MAPK8IP3: variants seen among roughly 807,000 people sequenced by gnomAD.
MAPK8IP3 encodes C-Jun-amino-terminal kinase-interacting protein 3.
A neutral mutation model predicts 157.8 loss-of-function variants in MAPK8IP3; 49 were observed. The observed-to-expected ratio is 0.31, with a 90% CI of 0.25 to 0.39. MAPK8IP3 has a LOEUF of 0.39. MAPK8IP3 is among the 10% of genes least tolerant of loss of function. The pLI, the probability that MAPK8IP3 is intolerant of heterozygous loss-of-function variation, is 1.00. For synonymous variants in MAPK8IP3, 897 were observed against 777.7 expected, an observed-to-expected ratio of 1.15 and a Z score of -2.55; for missense variants, 1,478 against 1,889.4, an observed-to-expected ratio of 0.78 and a Z score of 4.04.
intron 11 of MAPK8IP3, 161 bp downstream of exon 11, chr16:1,760,176 G>A (rs2041853408): frequency 2.1e-6 from 2 of 970,442 alleles, no homozygotes; most frequent in Admixed American, 2.5e-5. Flanking sequence ...ACTCTGCCTG[G>A]TTTCTTTACG....
chr16:1,762,646 C>T lies in MAPK8IP3; in HGVS notation c.1671-29C>T, dbSNP rs746881339. On this transcript the variant is annotated intron_variant, in intron 14 of 31. Coordinates refer to ENST00000610761, the MANE Select transcript of MAPK8IP3 (RefSeq NM_001318852.2). ...GGTAAGGGAGGCGTGAGGGCACTAGCAGGTTGCTCCCTGTGCCCTCCCCTG... is the reference window on the plus strand; with the variant it reads ...GGTAAGGGAGGCGTGAGGGCACTAGTAGGTTGCTCCCTGTGCCCTCCCCTG... 12 of 1,541,490 alleles carry T rather than the reference C, an allele frequency of 7.8e-6. No individual in the cohort carries two copies. In the South Asian group the frequency reaches 8.8e-5, roughly 11 times the overall value.
rs1489733273 is a variant in MAPK8IP3 at position 1,768,122 on chromosome 16, C to T, written c.3562+15C>T. The T allele has an allele frequency of 2.5e-6, 4 of 1,612,094 alleles. No homozygotes were observed. The highest frequency in any genetic ancestry group is 3.3e-5 in the Admixed American group (2 of 60,016). ...GGGGCTCCGAGGTAAGCCCAGCCAC[C>T]TCGTGTCCCCTCACGGGAGCCTCTC... On this transcript the variant is annotated intron_variant, in intron 29 of 31. Transcript: ENST00000610761.
chr16:1,748,022 G>A (rs1162598531), intron 6 of MAPK8IP3, among the ~76,000 whole-genome samples: 2 of 152,214 alleles, frequency 1.3e-5, no homozygotes, highest in East Asian at 1.9e-4. Context: ...CATGCAGAGA[G>A]GCTGCTGCAA....
In MAPK8IP3 at chr16:1,768,889, C is replaced by T. The variant is rs769723016; in HGVS notation, c.*65C>T. On this transcript the variant is annotated 3_prime_UTR_variant, in exon 32 of 32. Coordinates refer to ENST00000610761, the MANE Select transcript of MAPK8IP3 (RefSeq NM_001318852.2). Reference sequence around the variant, plus strand: ...CCGACCACCTGACCCCCGCCCGGCCCGCGGGGTAGCCAGCCAGGCGCCGCC... The same window carrying T: ...CCGACCACCTGACCCCCGCCCGGCCTGCGGGGTAGCCAGCCAGGCGCCGCC... The T allele has an allele frequency of 1.4e-5, 22 of 1,575,436 alleles. No homozygotes were observed. The highest frequency in any genetic ancestry group is 6.7e-5 in the South Asian group (6 of 89,144).
intron 26 of MAPK8IP3, 55 bp downstream of exon 26, chr16:1,767,352 T>G (rs1364570729): frequency 2.5e-6 from 4 of 1,603,364 alleles, no homozygotes; most frequent in East Asian, 4.5e-5. Flanking sequence ...GGCCAGCAGC[T>G]CTCCCGCATC....
rs1450982298 is a variant in MAPK8IP3, at chr16:1,768,539, G to A, written c.3805G>A (p.Ala1269Thr). ...LDSPAEGPGP[A>T]APASEVEGQK... ...CAGCCCAGCCGAGGGCCCTGGGCCA[G>A]CTGCCCCTGCCTCGGAGGTCGAGGG... Residue 1269 changes from alanine (A) to threonine (T), a missense_variant, in exon 31 of 32, where the codon GCT becomes ACT. Ala to Thr is a moderately conservative substitution (Grantham distance 58). Around this residue, in one of 11 missense-constraint regions of MAPK8IP3, gnomAD observed 133 missense variants for 133.4 expected, o/e 1.00. Coordinates refer to ENST00000610761, the MANE Select transcript of MAPK8IP3 (RefSeq NM_001318852.2). 6.4e-7 allele frequency: 1 copy of A among 1,562,646 alleles called. No individual in the cohort carries two copies. The highest frequency in any genetic ancestry group is 1.4e-5 in the African/African-American group (1 of 73,780).
In MAPK8IP3 at chr16:1,767,236, G is replaced by T. The variant is rs377112816; in HGVS notation, c.3176G>T (p.Arg1059Leu). The T allele has an allele frequency of 1.9e-6, 3 of 1,613,500 alleles. No homozygotes were observed. The highest frequency in any genetic ancestry group is 3.3e-5 in the Admixed American group (2 of 60,024). Reference protein sequence around the residue: ...SIRCMAVVYDRVWCGYKNKVH... With the variant: ...SIRCMAVVYDLVWCGYKNKVH... Reference sequence around the variant, plus strand: ...CGCTGCATGGCTGTTGTGTACGACCGCGTGTGGTGTGGCTACAAGAACAAG... The same window carrying T: ...CGCTGCATGGCTGTTGTGTACGACCTCGTGTGGTGTGGCTACAAGAACAAG... The change falls in exon 26 of 32, where the codon CGC becomes CTC. Residue 1059 changes from arginine (R) to leucine (L), a missense_variant. Arg to Leu is a moderately radical substitution (Grantham distance 102). This residue lies in a region of MAPK8IP3 where 669 missense variants were observed against 759.8 expected (regional missense o/e 0.88). Transcript: ENST00000610761.
At chr16:1,746,841 G>A in intron 5 of MAPK8IP3, 188 bp from the exon 6 acceptor site, 1 of 656,260 alleles carries the variant, frequency 1.5e-6, no homozygotes, top group Non-Finnish European at 2.5e-6. Context: ...CGGATAAGCA[G>A]AGCCACTCGG....
At position 1,706,706 on chromosome 16, in the gene MAPK8IP3, C is replaced by A; in HGVS notation, c.318+49C>A. 6.7e-7 allele frequency: 1 copy of A among 1,486,178 alleles called. No individual in the cohort carries two copies. Among genetic ancestry groups the A allele is most frequent in the Admixed American group, 2.1e-5 (1 of 48,012 alleles). The allele number at this position is 1,486,178 out of a possible 1,614,324, so 92.1% of individuals were successfully genotyped here. ...CGCATCCCCGTCCCGGACCCCCAGC[C>A]AGCCCCGGGCCCCGGACCCAACACC... On this transcript the variant is annotated intron_variant, in intron 1 of 31. Transcript: ENST00000610761. This position sits in a 1 kb window ranked among gnomAD's most constrained non-coding sequence, Gnocchi z 5.1.
In MAPK8IP3 at chr16:1,767,719, C is replaced by T. The variant is rs369935975; in HGVS notation, c.3393C>T (p.Tyr1131=). 58 of 1,612,602 alleles carry T rather than the reference C, an allele frequency of 3.6e-5. No homozygotes were observed. The highest frequency in any genetic ancestry group is 1.1e-4 in the African/African-American group (8 of 74,926). Residue 1131 remains tyrosine, a synonymous_variant, in exon 27 of 32, where the codon TAC becomes TAT. Transcript: ENST00000610761. Reference sequence around the variant, plus strand: ...TACAGGACGTGGACATTGAGCCCTACGTCAGCAAGATGCTAGGTGAGGGGC... The same window carrying T: ...TACAGGACGTGGACATTGAGCCCTATGTCAGCAAGATGCTAGGTGAGGGGC... The part of the protein sequence containing the change: ...QHLQDVDIEP[Y]VSKMLGTGKL...
At chr16:1,764,977 C>A in intron 19 of MAPK8IP3, 36 bp from the exon 20 acceptor site, 1 of 1,579,558 alleles carries the variant, frequency 6.3e-7, no homozygotes, top group Non-Finnish European at 8.7e-7. Context: ...TAGCCTCAAG[C>A]TCGGGCTCTG....
In MAPK8IP3 at chr16:1,717,344, G is replaced by A. The variant is rs139980712; in HGVS notation, c.319-7213G>A. On this transcript the variant is annotated intron_variant, in intron 1 of 31. Coordinates refer to ENST00000610761, the MANE Select transcript of MAPK8IP3 (RefSeq NM_001318852.2). Reference sequence around the variant, plus strand: ...AGCCCTTTGGTCGTGGGAGGGATGGGGAAGTACATCTTAAAAACATGTCTA... The same window carrying A: ...AGCCCTTTGGTCGTGGGAGGGATGGAGAAGTACATCTTAAAAACATGTCTA... Among the ~76,000 whole-genome samples the A allele has an allele frequency of 8.5e-5, 13 of 152,294 alleles. No individual in the cohort carries two copies. In the East Asian group the frequency reaches 2.5e-3, roughly 29 times the overall value.
In MAPK8IP3 at chr16:1,764,134, A is replaced by C; in HGVS notation, c.2045A>C (p.Gln682Pro). ...KYKQLSPNGGQEDTRMKNVPV... is the reference protein window; with the variant it reads ...KYKQLSPNGGPEDTRMKNVPV... The stretch of plus-strand genomic sequence containing the variant: ...CTGCAGCTGAGTCCCAACGGGGGCC[A>C]GGAGGACACGCGGATGAAGAACGTG... The change falls in exon 18 of 32, where the codon CAG becomes CCG. Residue 682 changes from glutamine to proline, a missense_variant. Transcript: ENST00000610761. 1 of 1,610,704 alleles carries C rather than the reference A, an allele frequency of 6.2e-7. No individual in the cohort carries two copies. Among genetic ancestry groups the C allele is most frequent in the Non-Finnish European group, 8.5e-7 (1 of 1,179,082 alleles).
In MAPK8IP3 at chr16:1,768,911, C is replaced by A; in HGVS notation, c.*87C>A. 1 of 1,487,260 alleles carries A rather than the reference C, an allele frequency of 6.7e-7. No homozygotes were observed. The highest frequency in any genetic ancestry group is 1.2e-5 in the South Asian group (1 of 81,940). 92.1% of individuals were successfully genotyped at this position (1,487,260 alleles called of 1,614,324 possible). ...GCCCGCGGGGTAGCCAGCCAGGCGCCGCCGCCCCTCTTCTAACCTCTCAAC... is the reference window on the plus strand; with the variant it reads ...GCCCGCGGGGTAGCCAGCCAGGCGCAGCCGCCCCTCTTCTAACCTCTCAAC... On this transcript the variant is annotated 3_prime_UTR_variant, in exon 32 of 32. Transcript: ENST00000610761.
chr16:1,763,139 C>G, intron 16 of MAPK8IP3, 133 bp downstream of exon 16: 1 of 1,172,926 alleles, frequency 8.5e-7, no homozygotes, highest in Non-Finnish European at 1.2e-6. Context: ...TGCCAGGGGC[C>G]GTGACCTCTC....
chr16:1,712,186 C>T (rs923701739), intron 1 of MAPK8IP3, among the ~76,000 whole-genome samples: 5 of 150,974 alleles, frequency 3.3e-5, no homozygotes, highest in African/African-American at 7.3e-5. Flanking sequence ...CTCAGCCTCC[C>T]GAGTAGCTGA....
At position 1,767,009 on chromosome 16, in the gene MAPK8IP3, G is replaced by C. The variant is rs758150509; in HGVS notation, c.3088+38G>C. The C allele has an allele frequency of 1.0e-5, 16 of 1,568,554 alleles. No homozygotes were observed. In the East Asian group the frequency reaches 3.6e-4, roughly 35 times the overall value. Reference sequence around the variant, plus strand: ...AGCACGGGGTGTGTGGGTGGCAGCTGATGGCCCTGGCATTGTTTAGCCAAG... The same window carrying C: ...AGCACGGGGTGTGTGGGTGGCAGCTCATGGCCCTGGCATTGTTTAGCCAAG... On this transcript the variant is annotated intron_variant, in intron 25 of 31. Coordinates refer to ENST00000610761, the MANE Select transcript of MAPK8IP3 (RefSeq NM_001318852.2).
At chr16:1,753,215 C>T (rs373467198) in intron 8 of MAPK8IP3, among the ~76,000 whole-genome samples, 89 of 152,298 alleles carry the variant, frequency 5.8e-4, no homozygotes, top group African/African-American at 2.1e-3. Flanking sequence ...ATAAAAAGAG[C>T]CCAGGTCGGG....
intron 4 of MAPK8IP3, among the ~76,000 whole-genome samples, chr16:1,736,723 C>T (rs1328623655): frequency 3.6e-3 from 177 of 48,762 alleles, no homozygotes; most frequent in Admixed American, 6.1e-3. Flanking sequence ...AGCGTGTGAC[C>T]GTCCGTGTGA....
Sources: allele counts gnomAD v4.1 joint callset (sites outside exome capture counted in the v4.1 genomes callset), GRCh38; gene constraint gnomAD v4.1.1; regional missense constraint gnomAD v4.1.1; non-coding constraint Gnocchi (gnomAD v3.1); transcripts MANE v1.5; gene names NCBI Gene and HGNC (gene_info 2026-07-23, HGNC 2026-07-21).